Variants in SNX30 observed in about 807,000 individuals in gnomAD.
The protein encoded by SNX30 is sorting nexin family member 30.
SNX30 carries 24 observed loss-of-function variants against 46.4 expected under a neutral mutation model. That is an observed-to-expected ratio of 0.52 (90% CI 0.37 to 0.73). The LOEUF (loss-of-function observed/expected upper bound fraction) is 0.73. SNX30 is among the 30% of genes least tolerant of loss of function. SNX30 has a pLI of 0.00. For missense variants in SNX30, 533 were observed against 555.7 expected, an observed-to-expected ratio of 0.96 and a Z score of 0.41; for synonymous variants, 189 against 211.5, an observed-to-expected ratio of 0.89 and a Z score of 0.92.
chr9:112,855,515 C>T (rs1375212931), intron 7 of SNX30, among the ~76,000 whole-genome samples: 2 of 151,984 alleles, frequency 1.3e-5, no homozygotes, highest in Admixed American at 1.3e-4. Flanking sequence ...TTTTTGTAAC[C>T]CAGGGGAAGG....
At chr9:112,764,922 G>A (rs910780530) in intron 1 of SNX30, among the ~76,000 whole-genome samples, 4 of 152,138 alleles carry the variant, frequency 2.6e-5, no homozygotes, top group Admixed American at 1.3e-4. Context: ...TTGTGGCAGC[G>A]CGCCTCCCTC....
rs548656754 is a variant in SNX30 at position 112,847,262 on chromosome 9, G to A, written c.1015-3597G>A. 3.9e-4 allele frequency among the ~76,000 whole-genome samples: 59 copies of A among 151,120 alleles called. 1 individual carries two copies. The highest frequency in any genetic ancestry group is 2.8e-3 in the Admixed American group (43 of 15,114). The stretch of plus-strand genomic sequence containing the variant: ...CACATGTATCCCAGCCGTCCCGTGC[G>A]TATCCCAGCCGTCCCGCGCATATCC... On this transcript the variant is annotated intron_variant, in intron 6 of 8. Transcript: ENST00000374232.
intron 5 of SNX30, among the ~76,000 whole-genome samples, chr9:112,838,199 A>G (rs1840794827): frequency 6.6e-6 from 1 of 152,004 alleles, no homozygotes; most frequent in South Asian, 2.1e-4. Flanking sequence ...GCGAGTGGTT[A>G]TTTTCGAAGA....
chr9:112,862,635 C>G (rs1451571919), intron 7 of SNX30, among the ~76,000 whole-genome samples: 3 of 152,110 alleles, frequency 2.0e-5, no homozygotes, highest in African/African-American at 4.8e-5. Flanking sequence ...GGTATGGTGG[C>G]TCAAACCTGT....
Position 112,850,251 on chromosome 9 carries a change from A to G in SNX30, c.1015-608A>G, listed in dbSNP as rs115631353. The stretch of plus-strand genomic sequence containing the variant: ...CTAGGAATTCTGGACTTGCACAGGT[A>G]TAGCCCCTTTAGCACATACAGGCGC... On this transcript the variant is annotated intron_variant, in intron 6 of 8. Transcript: ENST00000374232. Among the ~76,000 whole-genome samples the G allele has an allele frequency of 6.8e-3, 1,035 of 152,320 alleles. 9 individuals carry two copies. Among genetic ancestry groups the G allele is most frequent in the African/African-American group, 0.024 (982 of 41,564 alleles).
chr9:112,839,068 TAAAG>T (rs1840814457), intron 6 of SNX30, among the ~76,000 whole-genome samples: 1 of 151,758 alleles, frequency 6.6e-6, no homozygotes, highest in Non-Finnish European at 1.5e-5. Context: ...GAAGAAATCT[TAAAG>T]TAAGACAAAA....
At chr9:112,783,560 T>A (rs904348929) in intron 1 of SNX30, among the ~76,000 whole-genome samples, 9 of 152,240 alleles carry the variant, frequency 5.9e-5, no homozygotes, top group Admixed American at 1.3e-4. Context: ...CTTTGCTTTC[T>A]ATTTTGGGGT....
Position 112,804,824 on chromosome 9 carries a change from G to C in SNX30, c.205G>C (p.Ala69Pro), listed in dbSNP as rs1201763628. Residue 69 changes from alanine (A) to proline (P), a missense_variant, in exon 2 of 9, where the codon GCT becomes CCT. Coordinates refer to ENST00000374232, the MANE Select transcript of SNX30 (RefSeq NM_001012994.2). ...TACTCCAGCAGGTACTTCAAGTCCA[G>C]CTTCTTCATCTTCCCTTCTCAACAG... ...GGTPAGTSSP[A>P]SSSSLLNRLQ... is the part of the protein sequence containing the mutation. 1.2e-6 allele frequency: 2 copies of C among 1,613,636 alleles called. No individual in the cohort carries two copies. Among genetic ancestry groups the C allele is most frequent in the African/African-American group, 2.7e-5 (2 of 74,920 alleles).
chr9:112,794,405 C>A (rs1784126369), intron 1 of SNX30, among the ~76,000 whole-genome samples: 1 of 152,188 alleles, frequency 6.6e-6, no homozygotes, highest in African/African-American at 2.4e-5. Context: ...CCCGCCTCGA[C>A]CTCCCAAAGT....
At chr9:112,851,407 C>T (rs1386215085) in intron 7 of SNX30, among the ~76,000 whole-genome samples, 1 of 152,232 alleles carries the variant, frequency 6.6e-6, no homozygotes, top group East Asian at 1.9e-4. Flanking sequence ...GCGTGTTAAA[C>T]TCGCGTGAGG....
At chr9:112,879,709 C>T (rs961163202), downstream of SNX30, 10 of 1,548,684 alleles carry the variant, frequency 6.5e-6, no homozygotes, top group Admixed American at 5.0e-5. Context: ...CTTCTTTTGT[C>T]TTCTGGGGGC....
chr9:112,765,514 C>G (rs1839521612), intron 1 of SNX30, among the ~76,000 whole-genome samples: 1 of 152,182 alleles, frequency 6.6e-6, no homozygotes, highest in South Asian at 2.1e-4. Flanking sequence ...TTTTCCTATT[C>G]TGGACATTTC....
At chr9:112,832,459 AGTGTGTGTGT>A (rs34515014) in intron 4 of SNX30, among the ~76,000 whole-genome samples, 47 of 111,294 alleles carry the variant, frequency 4.2e-4, no homozygotes, top group Non-Finnish European at 6.8e-4. Flanking sequence ...AGAGAGAGAG[AGTGTGTGTGT>A]GTGTGTGTGT....
chr9:112,851,425 T>C (rs1427747787), intron 7 of SNX30, among the ~76,000 whole-genome samples: 1 of 152,194 alleles, frequency 6.6e-6, no homozygotes, highest in Non-Finnish European at 1.5e-5. Context: ...AGGAGTTGCA[T>C]GTGGAGCAAG....
Position 112,872,821 on chromosome 9 carries a change from T to C in SNX30, c.*3978T>C, listed in dbSNP as rs1017875825. On this transcript the variant is annotated 3_prime_UTR_variant, in exon 9 of 9. Transcript: ENST00000374232. ...ACACACCCTCTCATTTCTTGTGTCT[T>C]GTCTGTCAGATGGCAGGAGGCCTGT... 5.9e-5 allele frequency: 9 copies of C among 152,244 alleles called. No homozygotes were observed. The highest frequency in any genetic ancestry group is 3.3e-4 in the Admixed American group (5 of 15,290). The allele number at this position is 152,244 out of a possible 1,614,324, so 9.4% of individuals were successfully genotyped here.
At chr9:112,768,456 A>G (rs1023134638) in intron 1 of SNX30, among the ~76,000 whole-genome samples, 2 of 152,180 alleles carry the variant, frequency 1.3e-5, no homozygotes, top group South Asian at 2.1e-4. Flanking sequence ...AGTGATTTGT[A>G]TGCACATTAA....
chr9:112,751,080 T>A lies in SNX30; in HGVS notation c.79T>A (p.Ser27Thr). ...CGACATGCCGCACCCGCTGGCCGGC[T>A]CCAGCAGCGAGGAGGCCGTGGGTGG... ...LRDMPHPLAG[S>T]SSEEAVGGDS... The change falls in exon 1 of 9, where the codon TCC becomes ACC. Residue 27 changes from serine (S) to threonine (T), a missense_variant. Ser to Thr is a moderately conservative substitution (Grantham distance 58). Transcript: ENST00000374232. 1.3e-6 allele frequency: 2 copies of A among 1,509,444 alleles called. No homozygotes were observed. The highest frequency in any genetic ancestry group is 1.8e-6 in the Non-Finnish European group (2 of 1,135,916). 93.5% of individuals were successfully genotyped at this position (1,509,444 alleles called of 1,614,324 possible).
At chr9:112,819,919 A>G (rs1382083528) in intron 3 of SNX30, among the ~76,000 whole-genome samples, 2 of 152,134 alleles carry the variant, frequency 1.3e-5, no homozygotes, top group African/African-American at 2.4e-5. Context: ...TCACTGTACA[A>G]TTACTCTTTC....
intron 7 of SNX30, among the ~76,000 whole-genome samples, chr9:112,855,639 C>T (rs745432434): frequency 1.1e-4 from 16 of 151,874 alleles, no homozygotes; most frequent in Non-Finnish European, 1.9e-4. Flanking sequence ...GCAGAGGATG[C>T]GGAGGCCTCT....
Sources: allele counts gnomAD v4.1 joint callset (sites outside exome capture counted in the v4.1 genomes callset), GRCh38; gene constraint gnomAD v4.1.1; transcripts MANE v1.5; gene names NCBI Gene and HGNC (gene_info 2026-07-23, HGNC 2026-07-21).